Variants in TARDBP observed in about 807,000 individuals in gnomAD.
The protein encoded by TARDBP is TAR DNA binding protein, also known as TAR DNA-binding protein 43.
TARDBP carries 4 observed loss-of-function variants against 38.3 expected under a neutral mutation model. That is an observed-to-expected ratio of 0.10 (90% CI 0.05 to 0.24). TARDBP has a LOEUF of 0.24. Among genes scored for constraint, TARDBP ranks in the 10% least tolerant of loss-of-function variants. TARDBP has a pLI of 1.00. For missense variants in TARDBP, 202 were observed against 521.9 expected, an observed-to-expected ratio of 0.39 and a Z score of 5.97; for synonymous variants, 184 against 183.8, an observed-to-expected ratio of 1.00 and a Z score of -0.01.
chr1:11,016,467 G>A (rs979383161), intron 2 of TARDBP, among the ~76,000 whole-genome samples: 1 of 152,160 alleles, frequency 6.6e-6, no homozygotes, highest in Non-Finnish European at 1.5e-5. Flanking sequence ...TACAAAAGTT[G>A]TGTATTTGTT....
chr1:11,028,697 GT>G (rs1208974169), downstream of TARDBP, among the ~76,000 whole-genome samples: 4 of 36,178 alleles, frequency 1.1e-4, no homozygotes, highest in East Asian at 9.7e-4. Context: ...ATCTTTCTGG[GT>G]TTTTTTTCTT....
chr1:11,017,099 A>G lies in TARDBP; in HGVS notation c.402+92A>G, dbSNP rs1428471915. 1.8e-5 allele frequency: 25 copies of G among 1,427,636 alleles called. No individual in the cohort carries two copies. In the Admixed American group the frequency reaches 3.5e-4, roughly 20 times the overall value. 88.4% of individuals were successfully genotyped at this position (1,427,636 alleles called of 1,614,324 possible). A position where few individuals can be genotyped will look rare whatever the true frequency, so the allele number is the denominator to read the frequency against. ...GTATAAATAGAGATGGGGTATCACT[A>G]TGTTCCCTAGGTTCTGGCGTCAAAC... On this transcript the variant is annotated intron_variant, in intron 3 of 5. Coordinates refer to ENST00000240185, the MANE Select transcript of TARDBP (RefSeq NM_007375.4).
chr1:11,026,935 T>C, downstream of TARDBP: 14 of 1,513,776 alleles, frequency 9.2e-6, no homozygotes, highest in Non-Finnish European at 9.7e-6. Flanking sequence ...TTAATAACTT[T>C]TGTGTAGACT....
intron 5 of TARDBP, among the ~76,000 whole-genome samples, chr1:11,021,145 T>A (rs530447691): frequency 7.3e-5 from 11 of 151,204 alleles, no homozygotes; most frequent in Non-Finnish European, 1.5e-4. Context: ...ATATACTTTT[T>A]TTTTTTTTTT....
intron 2 of TARDBP, 138 bp from the exon 3 acceptor site, chr1:11,016,706 A>G (rs903775798): frequency 7.0e-6 from 6 of 852,532 alleles, no homozygotes; most frequent in African/African-American, 1.7e-5. Context: ...TAGAGCAAAC[A>G]TCACTTCTTG....
chr1:11,018,573 A>G (rs752717278), intron 3 of TARDBP, 160 bp from the exon 4 acceptor site: 453 of 908,932 alleles, frequency 5.0e-4, no homozygotes, highest in Non-Finnish European at 7.3e-4. Flanking sequence ...TGGATTCAAT[A>G]TTAACCTCCT....
At chr1:11,017,108 A>C in intron 3 of TARDBP, 101 bp downstream of exon 3, 1 of 1,367,852 alleles carries the variant, frequency 7.3e-7, no homozygotes, top group South Asian at 1.2e-5. Flanking sequence ...TATGTTCCCT[A>C]GGTTCTGGCG....
downstream of TARDBP, chr1:11,030,078 T>TA (rs1282684951): frequency 8.5e-6 from 7 of 820,586 alleles, no homozygotes; most frequent in South Asian, 1.6e-5. Context: ...GTGCTGAAGT[T>TA]ACATTTCTGC....
At chr1:11,027,495 G>A (rs1202236725), downstream of TARDBP, 3 of 1,613,984 alleles carry the variant, frequency 1.9e-6, no homozygotes, top group Non-Finnish European at 2.5e-6. Flanking sequence ...CTCATAGACG[G>A]CATGAGCAGC....
At chr1:11,027,174 G>A (rs147385743), downstream of TARDBP, 21 of 1,613,900 alleles carry the variant, frequency 1.3e-5, no homozygotes, top group African/African-American at 1.7e-4. Context: ...GTCAACAATC[G>A]GTATGTCGAC....
At chr1:11,026,922 T>G, downstream of TARDBP, 1 of 1,503,236 alleles carries the variant, frequency 6.7e-7, no homozygotes, top group Non-Finnish European at 8.9e-7. Context: ...CCAGGGAATA[T>G]AGTTAATAAC....
chr1:11,024,870 T>C lies in TARDBP; in HGVS notation c.*2216T>C, dbSNP rs756101899. On this transcript the variant is annotated 3_prime_UTR_variant, in exon 6 of 6. Transcript: ENST00000240185. Reference sequence around the variant, plus strand: ...ATTTTCTAGTTGGAAGAATGTGATATTTGTTGTGTTGGTAGTTTACCTAAT... The same window carrying C: ...ATTTTCTAGTTGGAAGAATGTGATACTTGTTGTGTTGGTAGTTTACCTAAT... 2.0e-5 allele frequency: 3 copies of C among 152,664 alleles called. No individual in the cohort carries two copies. The highest frequency in any genetic ancestry group is 4.4e-5 in the Non-Finnish European group (3 of 68,046). 9.5% of individuals were successfully genotyped at this position (152,664 alleles called of 1,614,324 possible).
intron 4 of TARDBP, among the ~76,000 whole-genome samples, chr1:11,019,797 A>G (rs944428136): frequency 1.3e-5 from 2 of 151,248 alleles, no homozygotes; most frequent in African/African-American, 4.9e-5. Context: ...TGATCTCCTG[A>G]CTTCATGATC....
rs780873066 is a variant in TARDBP, at chr1:11,013,893, C to T, written c.166C>T (p.Leu56=). The T allele has an allele frequency of 1.2e-6, 2 of 1,614,184 alleles. No homozygotes were observed. The highest frequency in any genetic ancestry group is 1.7e-6 in the Non-Finnish European group (2 of 1,180,024). Residue 56 remains leucine (L), a synonymous_variant, in exon 2 of 6, where the codon CTG becomes TTG. Coordinates refer to ENST00000240185, the MANE Select transcript of TARDBP (RefSeq NM_007375.4). ...PVSQCMRGVR[L]VEGILHAPDA... ...GTCTCAGTGTATGAGAGGTGTCCGG[C>T]TGGTAGAAGGAATTCTGCATGCCCC...
chr1:11,013,668 A>G, intron 1 of TARDBP, 48 bp from the exon 2 acceptor site: 1 of 1,436,104 alleles, frequency 7.0e-7, no homozygotes. Context: ...ATAAGGAAAC[A>G]GTTATTCTGA....
In TARDBP at chr1:11,025,474, ATT is replaced by A. The variant is rs886045051; in HGVS notation, c.*2828_*2829del. 6.6e-6 allele frequency: 1 copy of A among 151,800 alleles called. No homozygotes were observed. Among genetic ancestry groups the A allele is most frequent in the Admixed American group, 6.6e-5 (1 of 15,220 alleles). The allele number at this position is 151,800 out of a possible 1,614,324, so 9.4% of individuals were successfully genotyped here. A position where few individuals can be genotyped will look rare whatever the true frequency, so the allele number is the denominator to read the frequency against. On this transcript the variant is annotated 3_prime_UTR_variant, in exon 6 of 6. Transcript: ENST00000240185. Reference sequence around the variant, plus strand: ...AAATTTTTTGAACCAGATAAATAAAATTTTTTTTTGACACCACAGTTTAGTGT... The same window carrying A: ...AAATTTTTTGAACCAGATAAATAAAATTTTTTTGACACCACAGTTTAGTGT...
rs994491507 is a variant in TARDBP, at chr1:11,024,620, A to G, written c.*1966A>G. On this transcript the variant is annotated 3_prime_UTR_variant, in exon 6 of 6. Coordinates refer to ENST00000240185, the MANE Select transcript of TARDBP (RefSeq NM_007375.4). ...ATTATCTTGTGCCTGAAATCCATTAAGAGGCCTGATAGCTTTAAGAATTAG... is the reference window on the plus strand; with the variant it reads ...ATTATCTTGTGCCTGAAATCCATTAGGAGGCCTGATAGCTTTAAGAATTAG... 2 of 152,640 alleles carry G rather than the reference A, an allele frequency of 1.3e-5. No individual in the cohort carries two copies. The highest frequency in any genetic ancestry group is 4.8e-5 in the African/African-American group (2 of 41,470). The allele number at this position is 152,640 out of a possible 1,614,324, so 9.5% of individuals were successfully genotyped here.
chr1:11,025,071 G>A lies in TARDBP; in HGVS notation c.*2417G>A, dbSNP rs1643707638. On this transcript the variant is annotated 3_prime_UTR_variant, in exon 6 of 6. Transcript: ENST00000240185. ...TTTTTTTCTGCATCTGAATCTGCAT[G>A]ATTTCCAAACCCTGTACCATCTGAA... The A allele has an allele frequency of 6.6e-6, 1 of 152,378 alleles. No individual in the cohort carries two copies. The highest frequency in any genetic ancestry group is 1.5e-5 in the Non-Finnish European group (1 of 67,992). 9.4% of individuals were successfully genotyped at this position (152,378 alleles called of 1,614,324 possible).
downstream of TARDBP, chr1:11,027,627 G>T: frequency 4.3e-6 from 7 of 1,611,604 alleles, no homozygotes; most frequent in Non-Finnish European, 5.9e-6. Flanking sequence ...CCCTCCTGTT[G>T]TGCGGGCTGA....
Sources: allele counts gnomAD v4.1 joint callset (sites outside exome capture counted in the v4.1 genomes callset), GRCh38; gene constraint gnomAD v4.1.1; transcripts MANE v1.5; gene names NCBI Gene and HGNC (gene_info 2026-07-23, HGNC 2026-07-21).